The following MYCBP2 variants were observed in gnomAD, a reference collection of about 807,000 sequenced individuals.
MYCBP2 encodes MYC binding protein 2.
Under a neutral mutation model 525.3 loss-of-function variants are expected in MYCBP2, and 120 were observed. The ratio of observed to expected loss-of-function variants is 0.23; its 90% confidence interval spans 0.20 to 0.27. MYCBP2 has a LOEUF of 0.27. Among genes scored for constraint, MYCBP2 ranks in the 10% least tolerant of loss-of-function variants. The pLI, the probability that MYCBP2 is intolerant of heterozygous loss-of-function variation, is 1.00. For synonymous variants in MYCBP2, 1,894 were observed against 1,955.8 expected (o/e 0.97, Z 0.83); for missense variants, 4,149 against 5,657.1 (o/e 0.73, Z 8.55).
At chr13:77,195,807 C>A (rs1246015935) in intron 26 of MYCBP2, among the ~76,000 whole-genome samples, 2 of 152,070 alleles carry the variant, frequency 1.3e-5, no homozygotes, top group Non-Finnish European at 1.5e-5. Context: ...ACCCTTAGTA[C>A]CCTTATAAAA....
rs2059851445 is a variant in MYCBP2, at chr13:77,177,762, C to A, written c.5326G>T (p.Val1776Leu). The stretch of plus-strand genomic sequence containing the variant: ...GTGATACTTACATCATCAACCAACA[C>A]CTCTAATTCATATTCATGAATTCCA... Reference protein sequence around the residue: ...GGGIHEYELEVLVDDSEHAGD... With the variant: ...GGGIHEYELELLVDDSEHAGD... Residue 1776 changes from valine to leucine, a missense_variant, in exon 35 of 83, where the codon GTG becomes TTG. Around this residue, in one of 21 missense-constraint regions of MYCBP2, gnomAD observed 109 missense variants for 118.9 expected, o/e 0.92. Transcript: ENST00000544440. 1.9e-6 allele frequency: 3 copies of A among 1,612,956 alleles called. No individual in the cohort carries two copies. Among genetic ancestry groups the A allele is most frequent in the East Asian group, 4.5e-5 (2 of 44,874 alleles).
intron 54 of MYCBP2, among the ~76,000 whole-genome samples, chr13:77,124,237 T>C (rs1249980631): frequency 1.3e-5 from 2 of 152,170 alleles, no homozygotes; most frequent in Non-Finnish European, 1.5e-5. Flanking sequence ...GTTTCCTACC[T>C]ATAAATTTAA....
chr13:77,111,145 G>A (rs1255447327), intron 55 of MYCBP2, among the ~76,000 whole-genome samples: 1 of 152,118 alleles, frequency 6.6e-6, no homozygotes, highest in African/African-American at 2.4e-5. Context: ...GCAAAATCAT[G>A]AGAATGCTTT....
At chr13:77,086,781 C>T (rs1238656805) in intron 62 of MYCBP2, among the ~76,000 whole-genome samples, 1 of 151,854 alleles carries the variant, frequency 6.6e-6, no homozygotes, top group East Asian at 1.9e-4. Flanking sequence ...AGTTCTTTAT[C>T]GAATCCATCA....
At chr13:77,080,386 T>G (rs1475490455) in intron 65 of MYCBP2, 1 of 152,154 alleles carries the variant, frequency 6.6e-6, no homozygotes, top group East Asian at 1.9e-4. Flanking sequence ...ATACTGTATC[T>G]GCTAGCAAGC....
intron 80 of MYCBP2, among the ~76,000 whole-genome samples, chr13:77,052,607 T>C (rs1160943373): frequency 2.0e-5 from 3 of 152,238 alleles, no homozygotes; most frequent in Non-Finnish European, 2.9e-5. Flanking sequence ...GAATATTAAG[T>C]AGTAAAAGCT....
At chr13:77,083,816 A>G (rs922250753) in intron 62 of MYCBP2, among the ~76,000 whole-genome samples, 1 of 152,096 alleles carries the variant, frequency 6.6e-6, no homozygotes, top group African/African-American at 2.4e-5. Flanking sequence ...GGTATAAAAA[A>G]ATACCATAAA....
At chr13:77,167,606 T>C (rs2058686333) in intron 40 of MYCBP2, among the ~76,000 whole-genome samples, 1 of 152,222 alleles carries the variant, frequency 6.6e-6, no homozygotes. Context: ...TTATTAAAAA[T>C]TTACATGATG....
intron 26 of MYCBP2, among the ~76,000 whole-genome samples, chr13:77,201,504 G>C (rs1185610199): frequency 6.6e-6 from 1 of 152,056 alleles, no homozygotes; most frequent in Non-Finnish European, 1.5e-5. Context: ...AGTCAACAAG[G>C]ATATCCAGGA....
Position 77,268,124 on chromosome 13 carries a change from A to G in MYCBP2, c.1261-187T>C, listed in dbSNP as rs543119533. Among the ~76,000 whole-genome samples, 5 of 152,356 alleles carry G rather than the reference A, an allele frequency of 3.3e-5. No homozygotes were observed. In the South Asian group the frequency reaches 8.3e-4, roughly 25 times the overall value. ...TTAGAGGAAAAGTCATACATTATTGAAAATTGATGTAACATATTCCCAGAA... is the reference window on the plus strand; with the variant it reads ...TTAGAGGAAAAGTCATACATTATTGGAAATTGATGTAACATATTCCCAGAA... On this transcript the variant is annotated intron_variant, in intron 7 of 82. Transcript: ENST00000544440.
In MYCBP2 at chr13:77,263,938, A is replaced by G. The variant is rs2073706146; in HGVS notation, c.1422T>C (p.Ala474=). The change falls in exon 9 of 83, where the codon GCT becomes GCC. Residue 474 remains alanine, a synonymous_variant. Coordinates refer to ENST00000544440, the MANE Select transcript of MYCBP2 (RefSeq NM_015057.5). The part of the protein sequence containing the change: ...TDGEYINQIA[A]SRDDGFVVRI... ...GATTCAGGATACTTACATCTCTTGA[A>G]GCAGCTATCTGATTAATATATTCTC... 3.1e-6 allele frequency: 5 copies of G among 1,612,376 alleles called. No homozygotes were observed. Among genetic ancestry groups the G allele is most frequent in the Non-Finnish European group, 4.2e-6 (5 of 1,178,958 alleles).
intron 52 of MYCBP2, among the ~76,000 whole-genome samples, chr13:77,131,512 A>AC (rs1566645388): frequency 1.1e-3 from 66 of 59,538 alleles, no homozygotes; most frequent in East Asian, 5.9e-3. Flanking sequence ...ACACACACAC[A>AC]AACAAACACA....
At chr13:77,201,845 C>T (rs370018704) in intron 26 of MYCBP2, among the ~76,000 whole-genome samples, 9 of 152,044 alleles carry the variant, frequency 5.9e-5, no homozygotes, top group Non-Finnish European at 1.3e-4. Flanking sequence ...TTGAAACCAA[C>T]GAGAACAAAG....
chr13:77,082,114 A>G, intron 63 of MYCBP2, 121 bp from the exon 64 acceptor site: 2 of 837,768 alleles, frequency 2.4e-6, no homozygotes, highest in Non-Finnish European at 3.5e-6. Context: ...AGTAACAGAC[A>G]TTTTAAAAAT....
At chr13:77,155,944 C>T in intron 46 of MYCBP2, 114 bp downstream of exon 46, 1 of 983,532 alleles carries the variant, frequency 1.0e-6, no homozygotes, top group Non-Finnish European at 1.4e-6. Context: ...CAGCATCACC[C>T]TTTATATAAA....
intron 3 of MYCBP2, among the ~76,000 whole-genome samples, chr13:77,286,612 C>A (rs563473764): frequency 4.4e-4 from 66 of 148,412 alleles, no homozygotes; most frequent in Non-Finnish European, 7.7e-4. Flanking sequence ...AAAAATTAGC[C>A]GGGCGCGGTG....
intron 47 of MYCBP2, among the ~76,000 whole-genome samples, chr13:77,146,684 TA>T (rs1853093458): frequency 6.6e-6 from 1 of 152,178 alleles, no homozygotes; most frequent in South Asian, 2.1e-4. Flanking sequence ...CTAGAAAAGT[TA>T]TTTAACTAAA....
chr13:77,061,900 A>G, intron 74 of MYCBP2, 110 bp from the exon 75 acceptor site: 1 of 1,125,736 alleles, frequency 8.9e-7, no homozygotes, highest in Non-Finnish European at 1.2e-6. Flanking sequence ...GAAGTCTATT[A>G]AGAATTTAGA....
chr13:77,315,057 A>C (rs972911480), intron 1 of MYCBP2, among the ~76,000 whole-genome samples: 2 of 152,208 alleles, frequency 1.3e-5, no homozygotes, highest in Non-Finnish European at 2.9e-5. Context: ...AAATGAATGA[A>C]CTTCTCCAAA....
Sources: gnomAD v4.1 joint callset for allele counts (sites outside exome capture counted in the v4.1 genomes callset) on GRCh38, gnomAD v4.1.1 for gene constraint, gnomAD v4.1.1 regional missense constraint, MANE v1.5 for transcripts, NCBI Gene and HGNC (gene_info 2026-07-23, HGNC 2026-07-21) for gene names.